The following MARCHF11 variants were observed in gnomAD, a reference collection of about 807,000 sequenced individuals.
MARCHF11 encodes E3 ubiquitin-protein ligase MARCHF11.
Under a neutral mutation model 37.3 loss-of-function variants are expected in MARCHF11, and 29 were observed. The ratio of observed to expected loss-of-function variants is 0.78; its 90% CI spans 0.58 to 1.06. The LOEUF (loss-of-function observed/expected upper bound fraction) is 1.06. Ranked by LOEUF, MARCHF11 falls within the 50% of genes least tolerant of loss-of-function variation. The probability of loss-of-function intolerance (pLI) is 0.00; values close to 1 mark genes in which losing one functional copy is unlikely to be tolerated. For missense variants in MARCHF11, 482 were observed against 533.4 expected, an observed-to-expected ratio of 0.90 and a Z score of 0.95; for synonymous variants, 233 against 228.0, an observed-to-expected ratio of 1.02 and a Z score of -0.20.
intron 2 of MARCHF11, among the ~76,000 whole-genome samples, chr5:16,094,179 G>A (rs1163160107): frequency 6.6e-6 from 1 of 152,092 alleles, no homozygotes; most frequent in Non-Finnish European, 1.5e-5. Context: ...CTACCATTAT[G>A]TGCAAAAAGG....
At chr5:16,095,531 G>A (rs1490084465) in intron 2 of MARCHF11, among the ~76,000 whole-genome samples, 2 of 151,678 alleles carry the variant, frequency 1.3e-5, no homozygotes, top group East Asian at 1.9e-4. Context: ...AGCTTCATAT[G>A]ACTTCTTTTT....
intron 2 of MARCHF11, among the ~76,000 whole-genome samples, chr5:16,101,308 G>A (rs966460263): frequency 6.6e-5 from 10 of 152,082 alleles, no homozygotes; most frequent in African/African-American, 1.9e-4. Context: ...CCCCGGAGGC[G>A]GAGCTTGCAG....
intron 2 of MARCHF11, among the ~76,000 whole-genome samples, chr5:16,117,357 C>A (rs141714981): frequency 6.6e-6 from 1 of 152,322 alleles, no homozygotes; most frequent in Non-Finnish European, 1.5e-5. Context: ...TTTTCACTAA[C>A]CTTTTACAGC....
At chr5:16,127,278 G>A (rs547523058) in intron 2 of MARCHF11, among the ~76,000 whole-genome samples, 3 of 152,254 alleles carry the variant, frequency 2.0e-5, no homozygotes, top group South Asian at 2.1e-4. Flanking sequence ...TTGGTGCAAC[G>A]TGACTAAGTG....
At chr5:16,137,105 C>T (rs1030026808) in intron 2 of MARCHF11, among the ~76,000 whole-genome samples, 1 of 152,038 alleles carries the variant, frequency 6.6e-6, no homozygotes, top group African/African-American at 2.4e-5. Flanking sequence ...TAACTAAGCC[C>T]TCATTATGTT....
At chr5:16,167,350 A>T (rs190958119) in intron 2 of MARCHF11, among the ~76,000 whole-genome samples, 1 of 152,278 alleles carries the variant, frequency 6.6e-6, no homozygotes, top group East Asian at 1.9e-4. Flanking sequence ...AAAGCCTACC[A>T]GTCCAAAGGC....
chr5:16,069,281 G>GAC (rs1736397901), intron 3 of MARCHF11, among the ~76,000 whole-genome samples: 1 of 151,980 alleles, frequency 6.6e-6, no homozygotes, highest in Non-Finnish European at 1.5e-5. Context: ...TTTTAATAAA[G>GAC]ACACACACAT....
intron 2 of MARCHF11, among the ~76,000 whole-genome samples, chr5:16,106,776 A>C (rs1737048228): frequency 6.6e-6 from 1 of 152,222 alleles, no homozygotes; most frequent in Admixed American, 6.5e-5. Flanking sequence ...TACGATGGAC[A>C]GGACAGACCT....
intron 2 of MARCHF11, among the ~76,000 whole-genome samples, chr5:16,137,138 C>T (rs985786618): frequency 3.9e-5 from 6 of 152,098 alleles, no homozygotes; most frequent in Admixed American, 2.0e-4. Flanking sequence ...GAAAAAGGCC[C>T]GTAGATTGGC....
At chr5:16,081,139 T>C (rs1029223156) in intron 3 of MARCHF11, among the ~76,000 whole-genome samples, 2 of 152,254 alleles carry the variant, frequency 1.3e-5, no homozygotes, top group African/African-American at 4.8e-5. Flanking sequence ...CTAAGTGTAA[T>C]TAACCTTCCC....
intron 2 of MARCHF11, among the ~76,000 whole-genome samples, chr5:16,154,002 A>G (rs1737929016): frequency 1.3e-5 from 2 of 151,972 alleles, no homozygotes; most frequent in South Asian, 2.1e-4. Flanking sequence ...TGGAGGCCAC[A>G]TGTATCAGGA....
intron 3 of MARCHF11, among the ~76,000 whole-genome samples, chr5:16,083,876 G>T (rs1432176855): frequency 1.3e-5 from 2 of 152,264 alleles, no homozygotes; most frequent in East Asian, 3.9e-4. Flanking sequence ...ATGACCTAAA[G>T]GCATCATTTT....
At chr5:16,139,619 A>G (rs1737669234) in intron 2 of MARCHF11, among the ~76,000 whole-genome samples, 1 of 152,208 alleles carries the variant, frequency 6.6e-6, no homozygotes, top group Non-Finnish European at 1.5e-5. Context: ...TTAAATTCAA[A>G]GCAAATACCA....
intron 2 of MARCHF11, among the ~76,000 whole-genome samples, chr5:16,132,352 C>T (rs1737531835): frequency 6.6e-6 from 1 of 152,154 alleles, no homozygotes; most frequent in Non-Finnish European, 1.5e-5. Context: ...AACAGTCCGA[C>T]TTAGTACCTG....
At chr5:16,138,658 T>C (rs1026034902) in intron 2 of MARCHF11, among the ~76,000 whole-genome samples, 3 of 152,144 alleles carry the variant, frequency 2.0e-5, no homozygotes, top group African/African-American at 7.2e-5. Flanking sequence ...CTGCAGACAA[T>C]GCCAACTCGT....
intron 2 of MARCHF11, among the ~76,000 whole-genome samples, chr5:16,160,085 A>C (rs993008335): frequency 1.3e-5 from 2 of 151,612 alleles, no homozygotes; most frequent in Non-Finnish European, 2.9e-5. Context: ...AACTTCCCCT[A>C]TAACTGGCCA....
rs1736366525 is a variant in MARCHF11 at position 16,067,467 on chromosome 5, T to C, written c.*4A>G. 1 of 1,611,594 alleles carries C rather than the reference T, an allele frequency of 6.2e-7. No individual in the cohort carries two copies. Among genetic ancestry groups the C allele is most frequent in the Non-Finnish European group, 8.5e-7 (1 of 1,177,914 alleles). ...GGTCCACACTGCATCATCTTATGCT[T>C]TTGTCACACTGAAGTCACTCTCATC... On this transcript the variant is annotated 3_prime_UTR_variant, in exon 4 of 4. Coordinates refer to ENST00000332432, the MANE Select transcript of MARCHF11 (RefSeq NM_001102562.3).
At chr5:16,172,013 T>C (rs1579427190) in intron 2 of MARCHF11, among the ~76,000 whole-genome samples, 1 of 152,186 alleles carries the variant, frequency 6.6e-6, no homozygotes, top group Non-Finnish European at 1.5e-5. Flanking sequence ...GTATCACCTA[T>C]AGGGTACATG....
chr5:16,163,878 T>C (rs1738127205), intron 2 of MARCHF11, among the ~76,000 whole-genome samples: 1 of 152,044 alleles, frequency 6.6e-6, no homozygotes, highest in Non-Finnish European at 1.5e-5. Context: ...GGGAGTATGT[T>C]TGCTTTCTTC....
Sources: allele counts gnomAD v4.1 joint callset (sites outside exome capture counted in the v4.1 genomes callset), GRCh38; gene constraint gnomAD v4.1.1; transcripts MANE v1.5; gene names NCBI Gene and HGNC (gene_info 2026-07-23, HGNC 2026-07-21).